ATP8A2: variants seen among roughly 807,000 people sequenced by gnomAD.
ATP8A2 encodes the protein ATPase phospholipid transporting 8A2, also known as phospholipid-transporting ATPase IB.
A neutral mutation model predicts 165.6 loss-of-function variants in ATP8A2; 100 were observed. That is an observed-to-expected ratio of 0.60 (90% CI 0.51 to 0.71). The LOEUF is 0.71. Among genes scored for constraint, ATP8A2 ranks in the 30% least tolerant of loss-of-function variants. ATP8A2 has a pLI of 0.00. For synonymous variants in ATP8A2, 543 were observed against 548.8 expected (o/e 0.99, Z 0.15); for missense variants, 1,227 against 1,479.5 (o/e 0.83, Z 2.80).
chr13:25,972,203 A>G (rs1955932169), intron 35 of ATP8A2, among the ~76,000 whole-genome samples: 2 of 152,204 alleles, frequency 1.3e-5, no homozygotes, highest in South Asian at 4.1e-4. Context: ...TATTCATTCA[A>G]TAAAATATTT....
chr13:25,626,376 G>T (rs1356092965), intron 24 of ATP8A2, among the ~76,000 whole-genome samples: 1 of 152,154 alleles, frequency 6.6e-6, no homozygotes, highest in East Asian at 1.9e-4. Flanking sequence ...GAGCACAAGA[G>T]CATGTGTGTC....
At chr13:25,530,511 G>A in intron 3 of ATP8A2, 51 bp from the exon 4 acceptor site, 2 of 1,074,150 alleles carry the variant, frequency 1.9e-6, no homozygotes, top group East Asian at 5.1e-5. Context: ...TCTGTTCATG[G>A]AGAGGATTTT....
At chr13:25,604,970 C>A (rs1212147826) in intron 24 of ATP8A2, among the ~76,000 whole-genome samples, 1 of 152,178 alleles carries the variant, frequency 6.6e-6, no homozygotes, top group East Asian at 1.9e-4. Flanking sequence ...TCTTGACTTA[C>A]CACTGTTGGC....
intron 16 of ATP8A2, among the ~76,000 whole-genome samples, chr13:25,564,532 A>T (rs2039255265): frequency 6.6e-6 from 1 of 152,220 alleles, no homozygotes. Flanking sequence ...AAGGAAGTTA[A>T]ATAAAAGATT....
At chr13:25,854,406 G>T (rs1343105066) in intron 30 of ATP8A2, among the ~76,000 whole-genome samples, 1 of 152,124 alleles carries the variant, frequency 6.6e-6, no homozygotes, top group African/African-American at 2.4e-5. Flanking sequence ...TGTGATCATA[G>T]CTCACTGCAG....
chr13:25,396,645 A>G (rs905849194), intron 1 of ATP8A2, among the ~76,000 whole-genome samples: 2 of 152,036 alleles, frequency 1.3e-5, no homozygotes, highest in African/African-American at 2.4e-5. Flanking sequence ...GTGCATTACT[A>G]TCTTCATGTT....
intron 33 of ATP8A2, among the ~76,000 whole-genome samples, chr13:25,924,252 G>A (rs1402176395): frequency 6.6e-6 from 1 of 152,202 alleles, no homozygotes; most frequent in African/African-American, 2.4e-5. Flanking sequence ...GGTAGAAAAT[G>A]CCACAGACCG....
chr13:25,716,270 C>T (rs1302878421), intron 25 of ATP8A2, among the ~76,000 whole-genome samples: 1 of 152,138 alleles, frequency 6.6e-6, no homozygotes, highest in Non-Finnish European at 1.5e-5. Flanking sequence ...TTTTCTAATT[C>T]ATTGGGCTGT....
intron 24 of ATP8A2, among the ~76,000 whole-genome samples, chr13:25,657,942 G>A (rs1198973387): frequency 6.6e-6 from 1 of 152,204 alleles, no homozygotes; most frequent in Admixed American, 6.5e-5. Flanking sequence ...TTAGTTTGAT[G>A]GAGGTAACGT....
At chr13:25,742,833 G>C (rs1268346686) in intron 25 of ATP8A2, among the ~76,000 whole-genome samples, 1 of 151,986 alleles carries the variant, frequency 6.6e-6, no homozygotes, top group Non-Finnish European at 1.5e-5. Context: ...TCACCCCTTC[G>C]AGTCTGCAGC....
chr13:25,416,335 T>G (rs1353125855), intron 1 of ATP8A2, among the ~76,000 whole-genome samples: 1 of 152,202 alleles, frequency 6.6e-6, no homozygotes, highest in Non-Finnish European at 1.5e-5. Context: ...CCCATAAAAC[T>G]GAAAGGGCAT....
intron 2 of ATP8A2, among the ~76,000 whole-genome samples, chr13:25,500,292 TC>T (rs2036814460): frequency 6.6e-6 from 1 of 152,186 alleles, no homozygotes; most frequent in African/African-American, 2.4e-5. Context: ...TCAAGGGAAC[TC>T]AATTATGTTA....
At chr13:25,596,831 T>C (rs564616430) in intron 24 of ATP8A2, among the ~76,000 whole-genome samples, 2 of 152,344 alleles carry the variant, frequency 1.3e-5, no homozygotes, top group South Asian at 2.1e-4. Context: ...TTTAGCTTTA[T>C]AAGAAATTGC....
chr13:25,971,496 C>T (rs1047337147), intron 35 of ATP8A2, among the ~76,000 whole-genome samples: 3 of 152,060 alleles, frequency 2.0e-5, no homozygotes. Context: ...TCCTTCTTTC[C>T]TACCCTCATC....
intron 24 of ATP8A2, among the ~76,000 whole-genome samples, chr13:25,631,235 C>T (rs2041233291): frequency 1.3e-5 from 2 of 152,170 alleles, no homozygotes; most frequent in South Asian, 4.1e-4. Flanking sequence ...GATGGTGAGG[C>T]TCATCTGTGC....
In ATP8A2 at chr13:25,565,738, G is replaced by A. The variant is rs942550620; in HGVS notation, c.1473+1707G>A. 7.3e-5 allele frequency among the ~76,000 whole-genome samples: 11 copies of A among 150,912 alleles called. 1 individual carries two copies. Among genetic ancestry groups the A allele is most frequent in the Admixed American group, 2.0e-4 (3 of 15,084 alleles). Reference sequence around the variant, plus strand: ...TGCAAAAGCTCTTTAGTTTAATTAGGTCCCAGCTGTTTATCTTTGTTTTTA... The same window carrying A: ...TGCAAAAGCTCTTTAGTTTAATTAGATCCCAGCTGTTTATCTTTGTTTTTA... On this transcript the variant is annotated intron_variant, in intron 16 of 36. Coordinates refer to ENST00000381655, the MANE Select transcript of ATP8A2 (RefSeq NM_016529.6).
intron 4 of ATP8A2, among the ~76,000 whole-genome samples, chr13:25,531,143 A>G (rs2038022179): frequency 7.0e-6 from 1 of 142,840 alleles, no homozygotes; most frequent in East Asian, 2.0e-4. Context: ...GTGTGTATAT[A>G]TATGTTATAT....
intron 33 of ATP8A2, among the ~76,000 whole-genome samples, chr13:25,934,408 A>G (rs377584117): frequency 2.6e-5 from 4 of 152,326 alleles, no homozygotes; most frequent in East Asian, 3.9e-4. Context: ...CATTGAGCTG[A>G]TACAGATCGC....
intron 33 of ATP8A2, among the ~76,000 whole-genome samples, chr13:25,898,485 G>T (rs1327048582): frequency 6.6e-6 from 1 of 152,214 alleles, no homozygotes; most frequent in African/African-American, 2.4e-5. Flanking sequence ...GGACCCACTT[G>T]AGGAGGCGGT....
Sources: allele counts gnomAD v4.1 joint callset (sites outside exome capture counted in the v4.1 genomes callset), GRCh38; gene constraint gnomAD v4.1.1; transcripts MANE v1.5; gene names NCBI Gene and HGNC (gene_info 2026-07-23, HGNC 2026-07-21).